Variants in PDE7B observed in about 807,000 individuals in gnomAD.
The protein encoded by PDE7B is phosphodiesterase 7B, also known as 3',5'-cyclic-AMP phosphodiesterase 7B.
A neutral mutation model predicts 56.2 loss-of-function variants in PDE7B; 29 were observed. The observed-to-expected ratio is 0.52, with a 90% CI of 0.38 to 0.70. The LOEUF is 0.70. PDE7B is among the 30% of genes least tolerant of loss of function. PDE7B has a pLI of 0.00. For synonymous variants in PDE7B, 197 were observed against 196.9 expected (o/e 1.00, Z 0.00); for missense variants, 490 against 565.0 (o/e 0.87, Z 1.35).
chr6:136,105,709 C>T (rs903816059), intron 2 of PDE7B, among the ~76,000 whole-genome samples: 4 of 152,142 alleles, frequency 2.6e-5, no homozygotes, highest in Non-Finnish European at 5.9e-5. Context: ...CTGATTCATC[C>T]AGGGTTACCC....
chr6:135,905,336 GTGTGTGTGTGTA>G (rs1460470430), intron 1 of PDE7B, among the ~76,000 whole-genome samples: 7 of 112,334 alleles, frequency 6.2e-5, no homozygotes, highest in South Asian at 3.1e-4. Context: ...ACATACATGC[GTGTGTGTGTGTA>G]TGTGTGTGTG....
At chr6:135,938,042 A>G (rs1232669196) in intron 1 of PDE7B, among the ~76,000 whole-genome samples, 3 of 152,190 alleles carry the variant, frequency 2.0e-5, no homozygotes, top group African/African-American at 4.8e-5. Flanking sequence ...TACTCCCTGT[A>G]CTCTACAATG....
At chr6:135,906,829 T>TTTTTTTTTTTTTTTTTTTTTTTTTTG (rs1562434158) in intron 1 of PDE7B, among the ~76,000 whole-genome samples, 1 of 142,604 alleles carries the variant, frequency 7.0e-6, no homozygotes, top group African/African-American at 2.8e-5. Context: ...TTTTTTTTTT[T>TTTTTTTTTTTTTTTTTTTTTTTTTTG]TTTTTTTAAT....
intron 2 of PDE7B, among the ~76,000 whole-genome samples, chr6:136,037,055 T>G (rs4370386): frequency 0.86 from 130,490 of 152,274 alleles, 56,464 homozygotes; most frequent in African/African-American, 0.96. Context: ...CCACAGTTGA[T>G]GTTGCCCTCG....
chr6:135,954,909 T>C (rs1343650528), intron 2 of PDE7B, among the ~76,000 whole-genome samples: 3 of 152,246 alleles, frequency 2.0e-5, no homozygotes, highest in South Asian at 4.2e-4. Flanking sequence ...TGAATGCAGC[T>C]GGAAGCCAGG....
chr6:136,054,814 A>T (rs1300657510), intron 2 of PDE7B, among the ~76,000 whole-genome samples: 1 of 152,168 alleles, frequency 6.6e-6, no homozygotes, highest in African/African-American at 2.4e-5. Flanking sequence ...GTGGTGGAAG[A>T]TGAAGGAAAA....
At chr6:135,856,883 G>A (rs555269572) in intron 1 of PDE7B, among the ~76,000 whole-genome samples, 2 of 152,196 alleles carry the variant, frequency 1.3e-5, no homozygotes, top group South Asian at 4.2e-4. Context: ...ATAGAAGTAT[G>A]AAAATAATAG....
chr6:136,158,181 C>G (rs1283004612), intron 8 of PDE7B, among the ~76,000 whole-genome samples: 1 of 152,018 alleles, frequency 6.6e-6, no homozygotes, highest in Admixed American at 6.6e-5. Flanking sequence ...TCTCAAGGGC[C>G]CGTTTGCTGA....
At chr6:135,991,088 T>C (rs1169857653) in intron 2 of PDE7B, among the ~76,000 whole-genome samples, 1 of 152,112 alleles carries the variant, frequency 6.6e-6, no homozygotes, top group Non-Finnish European at 1.5e-5. Flanking sequence ...CTGGTGGGAG[T>C]GTAGCAGTGA....
At chr6:136,026,367 C>G (rs1776150202) in intron 2 of PDE7B, among the ~76,000 whole-genome samples, 1 of 152,112 alleles carries the variant, frequency 6.6e-6, no homozygotes, top group African/African-American at 2.4e-5. Context: ...TAAAATCCAC[C>G]CTGCTGGTCA....
At chr6:136,153,843 C>A (rs187759446) in intron 6 of PDE7B, among the ~76,000 whole-genome samples, 54 of 152,264 alleles carry the variant, frequency 3.5e-4, no homozygotes, top group Non-Finnish European at 7.1e-4. Context: ...AATCCCAACG[C>A]TTCACAAATC....
At chr6:136,092,561 G>A (rs1777406348) in intron 2 of PDE7B, among the ~76,000 whole-genome samples, 1 of 152,180 alleles carries the variant, frequency 6.6e-6, no homozygotes, top group Non-Finnish European at 1.5e-5. Flanking sequence ...AGGAGTTCGA[G>A]ACCAGCCTGG....
At chr6:135,971,607 C>T (rs1775095084) in intron 2 of PDE7B, among the ~76,000 whole-genome samples, 1 of 152,102 alleles carries the variant, frequency 6.6e-6, no homozygotes, top group Non-Finnish European at 1.5e-5. Flanking sequence ...AAAGTAGTGA[C>T]ATTACTGAAT....
intron 2 of PDE7B, among the ~76,000 whole-genome samples, chr6:135,959,799 A>G (rs1209748648): frequency 6.6e-6 from 1 of 151,970 alleles, no homozygotes; most frequent in Non-Finnish European, 1.5e-5. Context: ...TTGGAGGCAG[A>G]GTCTCAGTTT....
intron 1 of PDE7B, among the ~76,000 whole-genome samples, chr6:135,929,861 C>G (rs1000025488): frequency 7.2e-5 from 11 of 152,162 alleles, no homozygotes; most frequent in Non-Finnish European, 1.3e-4. Context: ...GGGGAAGCTC[C>G]TAAGAGAAGT....
intron 2 of PDE7B, among the ~76,000 whole-genome samples, chr6:135,981,285 G>T (rs1416334899): frequency 8.5e-6 from 1 of 117,890 alleles, no homozygotes; most frequent in Non-Finnish European, 1.7e-5. Flanking sequence ...GGACTGTTGT[G>T]GGGTGGGGGG....
intron 2 of PDE7B, chr6:135,992,950 C>G (rs1021348787): frequency 4.6e-5 from 7 of 152,188 alleles, no homozygotes; most frequent in African/African-American, 1.2e-4. Context: ...ATTTACTTGG[C>G]TGGAGAATAT....
intron 3 of PDE7B, among the ~76,000 whole-genome samples, chr6:136,133,702 T>C (rs958055937): frequency 1.3e-5 from 2 of 151,990 alleles, no homozygotes; most frequent in Non-Finnish European, 2.9e-5. Flanking sequence ...CCTAACAGGG[T>C]TTACAGCAGC....
chr6:136,091,825 T>A (rs907202166), intron 2 of PDE7B, among the ~76,000 whole-genome samples: 1 of 152,188 alleles, frequency 6.6e-6, no homozygotes, highest in African/African-American at 2.4e-5. Context: ...TATTTTTTTT[T>A]TAATGTGTGG....
Sources: allele counts gnomAD v4.1 joint callset (sites outside exome capture counted in the v4.1 genomes callset), GRCh38; gene constraint gnomAD v4.1.1; transcripts MANE v1.5; gene names NCBI Gene and HGNC (gene_info 2026-07-23, HGNC 2026-07-21).